Variants in BCAT1 observed in about 807,000 individuals in gnomAD.
The protein encoded by BCAT1 is branched-chain-amino-acid aminotransferase, cytosolic.
In BCAT1, 48 loss-of-function variants were observed where a neutral mutation model predicts 52.4. The observed-to-expected ratio is 0.92, with a 90% confidence interval of 0.73 to 1.16. The LOEUF is 1.16. Ranked by LOEUF, BCAT1 falls within the 50% of genes most tolerant of loss-of-function variation. The pLI is 0.00. For synonymous variants in BCAT1, 167 were observed against 161.3 expected, an observed-to-expected ratio of 1.04 and a Z score of -0.27; for missense variants, 451 against 457.1, an observed-to-expected ratio of 0.99 and a Z score of 0.12.
rs1306634512 is a variant in BCAT1 at position 24,816,604 on chromosome 12, A to AG, written c.*1403_*1404insC. 1 of 397,750 alleles carries AG rather than the reference A, an allele frequency of 2.5e-6. No homozygotes were observed. The highest frequency in any genetic ancestry group is 4.4e-5 in the Admixed American group (1 of 22,658). 24.6% of individuals were successfully genotyped at this position (397,750 alleles called of 1,614,324 possible). On this transcript the variant is annotated 3_prime_UTR_variant, in exon 11 of 11. Coordinates refer to ENST00000261192, the MANE Select transcript of BCAT1 (RefSeq NM_005504.7). ...TTGTTTTCTACCAAAAAAAAAAAAA[A>AG]AAGATTTATTTCTGCAATTAACACT... is the stretch of plus-strand genomic sequence containing the variant.
intron 2 of BCAT1, among the ~76,000 whole-genome samples, chr12:24,901,295 T>C (rs1565490999): frequency 1.3e-5 from 2 of 152,226 alleles, no homozygotes; most frequent in Non-Finnish European, 2.9e-5. Context: ...GGGTAGGAGA[T>C]AGACTTATAG....
chr12:24,900,381 T>C (rs552074183), intron 2 of BCAT1, among the ~76,000 whole-genome samples: 1 of 151,730 alleles, frequency 6.6e-6, no homozygotes, highest in Admixed American at 6.6e-5. Context: ...AGCCCAGGAG[T>C]TGGAGATCAG....
At chr12:24,857,664 A>C (rs1941729135) in intron 5 of BCAT1, among the ~76,000 whole-genome samples, 1 of 152,224 alleles carries the variant, frequency 6.6e-6, no homozygotes, top group Non-Finnish European at 1.5e-5. Context: ...AGGGAGCACC[A>C]CAGGCTCCAT....
chr12:24,874,620 T>C (rs1340297661), intron 5 of BCAT1, among the ~76,000 whole-genome samples: 1 of 152,252 alleles, frequency 6.6e-6, no homozygotes, highest in Non-Finnish European at 1.5e-5. Flanking sequence ...CTGAAATTAC[T>C]GGCAGACATA....
At chr12:24,942,543 CAA>C (rs60144964) in intron 1 of BCAT1, among the ~76,000 whole-genome samples, 20 of 90,762 alleles carry the variant, frequency 2.2e-4, no homozygotes, top group East Asian at 3.4e-4. Context: ...GACTCCGCCT[CAA>C]AAAAAAAAAA....
At chr12:24,818,429 A>C (rs1939968619) in intron 10 of BCAT1, among the ~76,000 whole-genome samples, 1 of 152,172 alleles carries the variant, frequency 6.6e-6, no homozygotes, top group Admixed American at 6.6e-5. Flanking sequence ...TTTACTGTGA[A>C]AAAGTGATCC....
intron 10 of BCAT1, among the ~76,000 whole-genome samples, chr12:24,820,652 G>A (rs1473500102): frequency 1.3e-5 from 2 of 152,152 alleles, no homozygotes; most frequent in Non-Finnish European, 2.9e-5. Context: ...TCAAAGCAAC[G>A]TGGCAAGTCA....
At chr12:24,832,017 A>C (rs1037023781) in intron 9 of BCAT1, among the ~76,000 whole-genome samples, 10 of 152,244 alleles carry the variant, frequency 6.6e-5, no homozygotes, top group Admixed American at 5.2e-4. Context: ...AAAGTGGTCT[A>C]CTTACTATTA....
Position 24,829,815 on chromosome 12 carries a change from A to AGAAAG in BCAT1, c.1119+7_1119+8insCTTTC. ...AGGAAAGAAAAGAAAAGAAAAGAAA[A>AGAAAG]GCTTTACCTGGATATCAGTTAATTT... is the stretch of plus-strand genomic sequence containing the variant. On this transcript the variant is annotated splice_region_variant and intron_variant, in intron 10 of 10. Coordinates refer to ENST00000261192, the MANE Select transcript of BCAT1 (RefSeq NM_005504.7). 1 of 1,591,268 alleles carries AGAAAG rather than the reference A, an allele frequency of 6.3e-7. No individual in the cohort carries two copies. Among genetic ancestry groups the AGAAAG allele is most frequent in the Non-Finnish European group, 8.6e-7 (1 of 1,169,152 alleles).
intron 4 of BCAT1, among the ~76,000 whole-genome samples, chr12:24,880,552 C>A (rs751663822): frequency 2.0e-5 from 3 of 152,112 alleles, no homozygotes; most frequent in Non-Finnish European, 4.4e-5. Context: ...ATTTTGATAT[C>A]TTTTTATCTC....
At position 24,865,857 on chromosome 12, in the gene BCAT1, G is replaced by A. The variant is rs1941990318; in HGVS notation, c.510+12673C>T. 3.9e-5 allele frequency among the ~76,000 whole-genome samples: 6 copies of A among 152,210 alleles called. No homozygotes were observed. In the South Asian group the frequency reaches 1.2e-3, roughly 32 times the overall value. On this transcript the variant is annotated intron_variant, in intron 5 of 10. Coordinates refer to ENST00000261192, the MANE Select transcript of BCAT1 (RefSeq NM_005504.7). ...ATATTTGTTGTATCAATAATATAAT[G>A]GTTAATCAACAAGAGACTGGTTATA...
At chr12:24,893,341 A>G (rs958403200) in intron 3 of BCAT1, among the ~76,000 whole-genome samples, 50 of 152,204 alleles carry the variant, frequency 3.3e-4, no homozygotes, top group African/African-American at 1.2e-3. Context: ...ACTGTAAGAT[A>G]GATATTATAA....
At chr12:24,917,179 T>C (rs1035271367) in intron 1 of BCAT1, among the ~76,000 whole-genome samples, 1 of 150,960 alleles carries the variant, frequency 6.6e-6, no homozygotes, top group African/African-American at 2.4e-5. Context: ...CATCAGTTTT[T>C]CATTAGAGCT....
chr12:24,902,914 C>G, intron 1 of BCAT1: 4 of 1,511,622 alleles, frequency 2.6e-6, no homozygotes, highest in African/African-American at 1.4e-5. Context: ...TTCCAATCCT[C>G]CCCCCTTCCG....
chr12:24,856,680 G>A (rs1170098803), intron 5 of BCAT1, among the ~76,000 whole-genome samples: 1 of 152,164 alleles, frequency 6.6e-6, no homozygotes, highest in Non-Finnish European at 1.5e-5. Context: ...CTAGACTTTG[G>A]AGCAGTGAGA....
At chr12:24,877,062 C>T (rs1942369393) in intron 5 of BCAT1, among the ~76,000 whole-genome samples, 1 of 152,112 alleles carries the variant, frequency 6.6e-6, no homozygotes, top group Non-Finnish European at 1.5e-5. Flanking sequence ...GACTGCAATT[C>T]ACGAAATTCA....
Position 24,836,901 on chromosome 12 carries a change from A to G in BCAT1, c.818-305T>C, listed in dbSNP as rs961040237. On this transcript the variant is annotated intron_variant, in intron 7 of 10. Coordinates refer to ENST00000261192, the MANE Select transcript of BCAT1 (RefSeq NM_005504.7). ...AAAGAGAAAGAAAGAAAGAAAGAAA[A>G]GAAAGAGAGAAAGAAAGAAAGAAAG... Among the ~76,000 whole-genome samples, 156 of 35,052 alleles carry G rather than the reference A, an allele frequency of 4.5e-3. 2 individuals are homozygous for G. The highest frequency in any genetic ancestry group is 0.015 in the African/African-American group (151 of 9,806). 23.0% of individuals were successfully genotyped at this position (35,052 alleles called of 152,430 possible).
At chr12:24,889,680 TCTAA>T (rs1466628506) in intron 3 of BCAT1, among the ~76,000 whole-genome samples, 1 of 152,154 alleles carries the variant, frequency 6.6e-6, no homozygotes, top group African/African-American at 2.4e-5. Flanking sequence ...TGCCCTCCTT[TCTAA>T]CTGTGAGTCT....
At chr12:24,820,234 T>C (rs1209502524) in intron 10 of BCAT1, among the ~76,000 whole-genome samples, 17 of 152,202 alleles carry the variant, frequency 1.1e-4, no homozygotes, top group Admixed American at 1.1e-3. Context: ...CTCTTCTCAT[T>C]CTGTAATTTA....
Sources: allele counts gnomAD v4.1 joint callset (sites outside exome capture counted in the v4.1 genomes callset), GRCh38; gene constraint gnomAD v4.1.1; transcripts MANE v1.5; gene names NCBI Gene and HGNC (gene_info 2026-07-23, HGNC 2026-07-21).